Variants in CYTH3 observed in about 807,000 individuals in gnomAD.
CYTH3 encodes cytohesin-3.
A neutral mutation model predicts 55.1 loss-of-function variants in CYTH3; 23 were observed. The observed-to-expected ratio is 0.42, with a 90% confidence interval of 0.30 to 0.59. The LOEUF is 0.59. CYTH3 is among the 20% of genes least tolerant of loss of function. The pLI, the probability that CYTH3 is intolerant of heterozygous loss-of-function variation, is 0.20. For synonymous variants in CYTH3, 249 were observed against 194.9 expected (o/e 1.28, Z -2.31); for missense variants, 413 against 524.8 (o/e 0.79, Z 2.08).
chr7:6,231,631 C>G (rs1409271437), intron 1 of CYTH3, among the ~76,000 whole-genome samples: 3 of 152,196 alleles, frequency 2.0e-5, no homozygotes, highest in Non-Finnish European at 4.4e-5. Flanking sequence ...ATAACAGCTA[C>G]CAAACAAATA....
chr7:6,227,350 T>A (rs550284490), intron 1 of CYTH3, among the ~76,000 whole-genome samples: 27 of 148,938 alleles, frequency 1.8e-4, no homozygotes. Context: ...GCAAATGGTT[T>A]AAAAAAAAAA....
At chr7:6,173,183 G>C (rs951108610) in intron 6 of CYTH3, 45 of 510,752 alleles carry the variant, frequency 8.8e-5, no homozygotes, top group Non-Finnish European at 1.1e-4. Flanking sequence ...GGAAGACAAC[G>C]TGCAGGAAGG....
intron 1 of CYTH3, among the ~76,000 whole-genome samples, chr7:6,269,861 G>C (rs1780605928): frequency 6.6e-6 from 1 of 152,006 alleles, no homozygotes; most frequent in Non-Finnish European, 1.5e-5. Context: ...CTTTTAACCT[G>C]ACCATTAACA....
At chr7:6,260,528 C>T (rs1464649289) in intron 1 of CYTH3, among the ~76,000 whole-genome samples, 2 of 152,152 alleles carry the variant, frequency 1.3e-5, no homozygotes, top group African/African-American at 4.8e-5. Context: ...GACACACCTT[C>T]CCCCACTAGC....
At chr7:6,212,436 C>A (rs935138112) in intron 1 of CYTH3, among the ~76,000 whole-genome samples, 1 of 152,138 alleles carries the variant, frequency 6.6e-6, no homozygotes, top group East Asian at 1.9e-4. Context: ...TCTCCCTTTC[C>A]CCATCCCCAG....
chr7:6,165,267 A>C lies in CYTH3; in HGVS notation c.1127+6T>G. 1 of 1,607,458 alleles carries C rather than the reference A, an allele frequency of 6.2e-7. No individual in the cohort carries two copies. Among genetic ancestry groups the C allele is most frequent in the Non-Finnish European group, 8.5e-7 (1 of 1,176,640 alleles). On this transcript the variant is annotated splice_donor_region_variant and intron_variant, in intron 12 of 12. Transcript: ENST00000350796. ...GGCCTGGCCCCGCCCCCGAGGCCCC[A>C]CTCACTTGATGGATTTCATCCACTC...
At chr7:6,246,481 G>C (rs1219193607) in intron 1 of CYTH3, among the ~76,000 whole-genome samples, 1 of 152,006 alleles carries the variant, frequency 6.6e-6, no homozygotes, top group South Asian at 2.1e-4. Flanking sequence ...CTCCTCCAGC[G>C]AGGAATGCAT....
chr7:6,189,953 G>A (rs761617137), intron 2 of CYTH3, among the ~76,000 whole-genome samples: 11 of 152,142 alleles, frequency 7.2e-5, no homozygotes, highest in Admixed American at 2.0e-4. Context: ...GGAGAATGGC[G>A]TGAACCCAGG....
intron 1 of CYTH3, among the ~76,000 whole-genome samples, chr7:6,231,564 C>A (rs1179227702): frequency 6.6e-6 from 1 of 152,230 alleles, no homozygotes; most frequent in African/African-American, 2.4e-5. Flanking sequence ...ACATTCAGCA[C>A]ACTGGAGAAA....
chr7:6,188,007 T>TGG lies in CYTH3; in HGVS notation c.118-288_118-287dup, dbSNP rs66602423. The stretch of plus-strand genomic sequence containing the variant: ...TGTATATAAAATCAGGCAAGCACAC[T>TGG]GGGGGGGGAATATCACAGCTGTGAA... On this transcript the variant is annotated intron_variant, in intron 2 of 12. Transcript: ENST00000350796. 4.7e-3 allele frequency among the ~76,000 whole-genome samples: 711 copies of TGG among 151,360 alleles called. 5 individuals carry two copies. The highest frequency in any genetic ancestry group is 0.016 in the African/African-American group (660 of 41,154).
chr7:6,197,252 C>A (rs538655624), intron 1 of CYTH3, among the ~76,000 whole-genome samples: 1 of 152,142 alleles, frequency 6.6e-6, no homozygotes, highest in Non-Finnish European at 1.5e-5. Flanking sequence ...AGAATTTCCA[C>A]GTCTAAAAGA....
chr7:6,175,039 T>G lies in CYTH3; in HGVS notation c.369-1306A>C, dbSNP rs544615281. 2.6e-4 allele frequency among the ~76,000 whole-genome samples: 40 copies of G among 152,382 alleles called. No homozygotes were observed. In the South Asian group the frequency reaches 3.3e-3, roughly 13 times the overall value. On this transcript the variant is annotated intron_variant, in intron 5 of 12. Transcript: ENST00000350796. ...GAAGTCCTTAGGAGATTACAAGGAC[T>G]GAATCAGTATGATAACTGGTCCTTA...
intron 5 of CYTH3, among the ~76,000 whole-genome samples, chr7:6,176,472 A>G (rs1783354855): frequency 6.6e-6 from 1 of 152,028 alleles, no homozygotes; most frequent in South Asian, 2.1e-4. Flanking sequence ...CATGTTAGCC[A>G]GGATGGTCTC....
At chr7:6,238,601 A>G (rs933953665) in intron 1 of CYTH3, among the ~76,000 whole-genome samples, 14 of 152,234 alleles carry the variant, frequency 9.2e-5, no homozygotes, top group African/African-American at 3.4e-4. Context: ...GGATGATACT[A>G]TAACGGTGGG....
At chr7:6,174,404 G>A (rs1417210241) in intron 5 of CYTH3, among the ~76,000 whole-genome samples, 3 of 151,524 alleles carry the variant, frequency 2.0e-5, no homozygotes, top group African/African-American at 4.9e-5. Flanking sequence ...TGTGAGCCAC[G>A]GCACCTGCCT....
intron 4 of CYTH3, among the ~76,000 whole-genome samples, chr7:6,182,707 TCTCA>T (rs1783534764): frequency 6.6e-6 from 1 of 151,810 alleles, no homozygotes; most frequent in African/African-American, 2.4e-5. Flanking sequence ...GAGATGAGGG[TCTCA>T]CTATGTTAGG....
intron 4 of CYTH3, among the ~76,000 whole-genome samples, chr7:6,180,927 C>T (rs1783489841): frequency 6.6e-6 from 1 of 152,160 alleles, no homozygotes; most frequent in African/African-American, 2.4e-5. Flanking sequence ...CTACGGTGAG[C>T]ACTGATTAGT....
At chr7:6,190,667 T>G (rs1449054706) in intron 1 of CYTH3, 136 bp from the exon 2 acceptor site, 1 of 639,846 alleles carries the variant, frequency 1.6e-6, no homozygotes, top group Non-Finnish European at 2.5e-6. Flanking sequence ...CCATTGAGAC[T>G]GTATCTGAGA....
chr7:6,216,418 A>G (rs1784427583), intron 1 of CYTH3, among the ~76,000 whole-genome samples: 1 of 152,068 alleles, frequency 6.6e-6, no homozygotes, highest in Non-Finnish European at 1.5e-5. Context: ...AACCATTTAA[A>G]AAGCTATACA....
Sources: allele counts gnomAD v4.1 joint callset (sites outside exome capture counted in the v4.1 genomes callset), GRCh38; gene constraint gnomAD v4.1.1; transcripts MANE v1.5; gene names NCBI Gene and HGNC (gene_info 2026-07-23, HGNC 2026-07-21).